RIMS2: variants seen among roughly 807,000 people sequenced by gnomAD.
RIMS2 encodes the protein regulating synaptic membrane exocytosis 2.
RIMS2 carries 59 observed loss-of-function variants against 174.4 expected under a neutral mutation model. The ratio of observed to expected loss-of-function variants is 0.34; its 90% CI spans 0.27 to 0.42. RIMS2 has a LOEUF of 0.42. Among genes scored for constraint, RIMS2 ranks in the 10% least tolerant of loss-of-function variants. The probability of loss-of-function intolerance (pLI) is 1.00; values close to 1 mark genes in which losing one functional copy is unlikely to be tolerated. For synonymous variants in RIMS2, 606 were observed against 572.5 expected, an observed-to-expected ratio of 1.06 and a Z score of -0.84; for missense variants, 1,620 against 1,666.3, an observed-to-expected ratio of 0.97 and a Z score of 0.48.
chr8:103,536,438 C>A (rs140135872), intron 1 of RIMS2, among the ~76,000 whole-genome samples: 1 of 152,198 alleles, frequency 6.6e-6, no homozygotes, highest in Non-Finnish European at 1.5e-5. Context: ...CTGTATCAGT[C>A]CATTCTTGCA....
At chr8:103,613,252 C>T (rs139022583) in intron 1 of RIMS2, among the ~76,000 whole-genome samples, 65 of 152,216 alleles carry the variant, frequency 4.3e-4, no homozygotes, top group African/African-American at 1.5e-3. Flanking sequence ...ACACTTAAAC[C>T]ACAATATAAA....
At chr8:103,914,918 T>A (rs2076375970) in intron 6 of RIMS2, among the ~76,000 whole-genome samples, 1 of 152,110 alleles carries the variant, frequency 6.6e-6, no homozygotes, top group African/African-American at 2.4e-5. Context: ...TTTCTAAAAG[T>A]TATATTTTAA....
At chr8:103,958,467 C>A (rs2088451055) in intron 14 of RIMS2, among the ~76,000 whole-genome samples, 1 of 152,044 alleles carries the variant, frequency 6.6e-6, no homozygotes, top group Non-Finnish European at 1.5e-5. Context: ...GAGCTTAATA[C>A]CTGGGTGATG....
At chr8:104,206,431 A>G (rs1277545416) in intron 19 of RIMS2, among the ~76,000 whole-genome samples, 1 of 152,234 alleles carries the variant, frequency 6.6e-6, no homozygotes, top group African/African-American at 2.4e-5. Context: ...TTGTAGATGT[A>G]TATCATGGGA....
At chr8:104,038,929 T>A (rs1290479561) in intron 19 of RIMS2, among the ~76,000 whole-genome samples, 1 of 151,884 alleles carries the variant, frequency 6.6e-6, no homozygotes, top group East Asian at 1.9e-4. Context: ...TATTAATGGA[T>A]CATATTCAGA....
At chr8:103,680,950 C>T (rs534713007) in intron 1 of RIMS2, among the ~76,000 whole-genome samples, 17 of 151,776 alleles carry the variant, frequency 1.1e-4, no homozygotes, top group South Asian at 2.1e-4. Context: ...TTAGTATGTT[C>T]GTCATATTTC....
At position 104,189,582 on chromosome 8, in the gene RIMS2, T is replaced by TTTTATATATATA. The variant is rs1554596362; in HGVS notation, c.3335-55333_3335-55332insTTATATATATAT. On this transcript the variant is annotated intron_variant, in intron 19 of 23. Transcript: ENST00000504942. Reference sequence around the variant, plus strand: ...AAGAGATAAATTCCAAATATATACATTATATATATATATATATTTATGTAA... The same window carrying TTTTATATATATA: ...AAGAGATAAATTCCAAATATATACATTTTATATATATATATATATATATATATATTTATGTAA... 1.1e-4 allele frequency among the ~76,000 whole-genome samples: 16 copies of TTTTATATATATA among 145,220 alleles called. No homozygotes were observed. The East Asian group carries it at 1.8e-3, about 16-fold the overall frequency.
At chr8:103,923,912 C>T (rs1043601372) in intron 10 of RIMS2, among the ~76,000 whole-genome samples, 1 of 151,562 alleles carries the variant, frequency 6.6e-6, no homozygotes, top group Non-Finnish European at 1.5e-5. Flanking sequence ...AATACTCTTT[C>T]GAATCCTGAT....
At chr8:103,508,874 T>C (rs1825051623) in intron 1 of RIMS2, among the ~76,000 whole-genome samples, 1 of 152,084 alleles carries the variant, frequency 6.6e-6, no homozygotes, top group African/African-American at 2.4e-5. Flanking sequence ...ATTTGACAGC[T>C]GTGTGTTAAG....
At chr8:103,812,204 CTCG>C (rs1368018667) in intron 3 of RIMS2, among the ~76,000 whole-genome samples, 8 of 152,150 alleles carry the variant, frequency 5.3e-5, no homozygotes, top group Admixed American at 2.6e-4. Flanking sequence ...TAGAAATGTA[CTCG>C]TCATCTTTAG....
chr8:104,246,663 C>A (rs536515779), intron 20 of RIMS2, among the ~76,000 whole-genome samples: 1 of 151,952 alleles, frequency 6.6e-6, no homozygotes. Flanking sequence ...ACAGGATAGA[C>A]GGGGAAAGGA....
chr8:103,692,615 G>T (rs1045261385), intron 1 of RIMS2, among the ~76,000 whole-genome samples: 2 of 152,218 alleles, frequency 1.3e-5, no homozygotes, highest in Non-Finnish European at 2.9e-5. Context: ...GATGAATCCT[G>T]CTAGGACTGG....
intron 19 of RIMS2, among the ~76,000 whole-genome samples, chr8:104,124,817 C>T (rs1452649365): frequency 6.6e-6 from 1 of 152,092 alleles, no homozygotes; most frequent in Non-Finnish European, 1.5e-5. Flanking sequence ...ACCTGTCCAA[C>T]CTGCAGTAAA....
intron 19 of RIMS2, among the ~76,000 whole-genome samples, chr8:104,201,130 C>T (rs71520871): frequency 2.6e-5 from 4 of 152,064 alleles, no homozygotes; most frequent in African/African-American, 9.7e-5. Context: ...CTCCCTCCTC[C>T]CACCCTCTCC....
At chr8:103,613,894 G>A (rs935553055) in intron 1 of RIMS2, among the ~76,000 whole-genome samples, 3 of 152,162 alleles carry the variant, frequency 2.0e-5, no homozygotes, top group Non-Finnish European at 1.5e-5. Flanking sequence ...TCCTGCTGTG[G>A]CTGAGTAGGT....
chr8:104,152,515 G>A (rs539455189), intron 19 of RIMS2, among the ~76,000 whole-genome samples: 7 of 151,770 alleles, frequency 4.6e-5, no homozygotes, highest in Non-Finnish European at 1.5e-5. Flanking sequence ...TCAAAATAAG[G>A]TTTTAATTAT....
intron 19 of RIMS2, among the ~76,000 whole-genome samples, chr8:104,019,454 A>T (rs1475163486): frequency 6.6e-6 from 1 of 152,146 alleles, no homozygotes; most frequent in Admixed American, 6.5e-5. Flanking sequence ...TGTGAAAGCA[A>T]TGCCATTACA....
chr8:103,593,793 ATGG>A, intron 1 of RIMS2, among the ~76,000 whole-genome samples: 1 of 151,382 alleles, frequency 6.6e-6, no homozygotes, highest in Non-Finnish European at 1.5e-5. Context: ...TTAGCATGCA[ATGG>A]ATTTATTATT....
chr8:103,615,803 C>T (rs1313918546), intron 1 of RIMS2, among the ~76,000 whole-genome samples: 4 of 152,094 alleles, frequency 2.6e-5, no homozygotes, highest in African/African-American at 9.7e-5. Context: ...ACACATACAC[C>T]CTCCGAAGAC....
Sources: allele counts gnomAD v4.1 joint callset (sites outside exome capture counted in the v4.1 genomes callset), GRCh38; gene constraint gnomAD v4.1.1; transcripts MANE v1.5; gene names NCBI Gene and HGNC (gene_info 2026-07-23, HGNC 2026-07-21).